Variants in EPHA6 observed in about 807,000 individuals in gnomAD.
The protein encoded by EPHA6 is EPH receptor A6, also known as ephrin type-A receptor 6.
A neutral mutation model predicts 112.0 loss-of-function variants in EPHA6; 50 were observed. The observed-to-expected ratio is 0.45, with a 90% CI of 0.36 to 0.56. The LOEUF (loss-of-function observed/expected upper bound fraction) is 0.56. Ranked by LOEUF, EPHA6 falls within the 20% of genes least tolerant of loss-of-function variation. The pLI is 0.00. For synonymous variants in EPHA6, 529 were observed against 490.7 expected (o/e 1.08, Z -1.03); for missense variants, 1,280 against 1,417.4 (o/e 0.90, Z 1.56).
intron 5 of EPHA6, among the ~76,000 whole-genome samples, chr3:97,350,409 G>T (rs371214526): frequency 7.8e-4 from 118 of 152,198 alleles, no homozygotes; most frequent in African/African-American, 2.5e-3. Context: ...GCATTTTGTT[G>T]TGTTGAATAT....
At chr3:97,506,629 T>G (rs2107575028) in intron 10 of EPHA6, among the ~76,000 whole-genome samples, 1 of 152,286 alleles carries the variant, frequency 6.6e-6, no homozygotes, top group East Asian at 1.9e-4. Context: ...GCCTCCAGCT[T>G]TGTTCTTTTT....
At chr3:97,127,441 TG>T (rs2048213179) in intron 3 of EPHA6, among the ~76,000 whole-genome samples, 1 of 152,078 alleles carries the variant, frequency 6.6e-6, no homozygotes, top group Non-Finnish European at 1.5e-5. Flanking sequence ...ACTTCCCGGC[TG>T]GGCACTGTGG....
At chr3:97,178,451 A>G (rs2076896563) in intron 3 of EPHA6, among the ~76,000 whole-genome samples, 1 of 151,990 alleles carries the variant, frequency 6.6e-6, no homozygotes, top group Non-Finnish European at 1.5e-5. Flanking sequence ...TGAGTTTTGT[A>G]CCTTCAGGTG....
At position 97,027,028 on chromosome 3, in the gene EPHA6, G is replaced by A. The variant is rs2044663278; in HGVS notation, c.1114+39035G>A. Among the ~76,000 whole-genome samples the A allele has an allele frequency of 2.0e-5, 3 of 152,182 alleles. No homozygotes were observed. The South Asian group carries it at 6.2e-4, about 32-fold the overall frequency. ...GCACTGTTCACAATAGCAAAGACAT[G>A]GAATCAATCTAAATGCCCATCAGTG... On this transcript the variant is annotated intron_variant, in intron 3 of 17. Transcript: ENST00000389672.
In EPHA6 at chr3:96,814,875, A is replaced by C. The variant is rs2032633178; in HGVS notation, c.252A>C (p.Leu84Phe). The C allele has an allele frequency of 6.4e-7, 1 of 1,556,868 alleles. No homozygotes were observed. Residue 84 changes from leucine to phenylalanine, a missense_variant, in exon 1 of 18, where the codon TTA (leucine) becomes TTC (phenylalanine). By Grantham distance (22) the Leu-to-Phe change is conservative. Transcript: ENST00000389672. ...GCCTGCGCTGCCGCCACTTCTCTTT[A>C]AGGGAGAGGAAAAGAGAGCCTAGGA... is the stretch of plus-strand genomic sequence containing the variant. ...NTCLRCRHFS[L>F]RERKREPRRT...
At chr3:97,736,849 T>C (rs961563096) in intron 16 of EPHA6, among the ~76,000 whole-genome samples, 3 of 152,056 alleles carry the variant, frequency 2.0e-5, no homozygotes, top group Admixed American at 6.6e-5. Context: ...GTTAAAAACA[T>C]ATTTCTTTAT....
intron 5 of EPHA6, among the ~76,000 whole-genome samples, chr3:97,250,010 G>T (rs2079089049): frequency 6.6e-6 from 1 of 152,148 alleles, no homozygotes; most frequent in African/African-American, 2.4e-5. Context: ...TAAATGGTTA[G>T]TTTTATGCAA....
chr3:96,957,717 G>A (rs2041812612), intron 2 of EPHA6, among the ~76,000 whole-genome samples: 1 of 152,140 alleles, frequency 6.6e-6, no homozygotes, highest in Admixed American at 6.5e-5. Context: ...TAGTTAGCTT[G>A]AATAAAGAGA....
At chr3:97,428,750 A>G (rs901364169) in intron 6 of EPHA6, among the ~76,000 whole-genome samples, 6 of 152,150 alleles carry the variant, frequency 3.9e-5, no homozygotes, top group Admixed American at 1.3e-4. Context: ...CTGAAGGTTC[A>G]CCTGAAAGCC....
intron 10 of EPHA6, among the ~76,000 whole-genome samples, chr3:97,519,847 T>G (rs528050309): frequency 6.6e-6 from 1 of 152,274 alleles, no homozygotes; most frequent in East Asian, 1.9e-4. Flanking sequence ...GTAATTTTAT[T>G]AATTTATTTA....
chr3:97,304,203 A>G lies in EPHA6; in HGVS notation c.1606+59916A>G, dbSNP rs199975029. The stretch of plus-strand genomic sequence containing the variant: ...TCATCTGCAAACAGAGACAGTTTTG[A>G]CTTCCTCTCTTCCTATTTGAATACC... On this transcript the variant is annotated intron_variant, in intron 5 of 17. Transcript: ENST00000389672. Among the ~76,000 whole-genome samples the G allele has an allele frequency of 4.6e-5, 7 of 152,000 alleles. No homozygotes were observed. In the East Asian group the frequency reaches 1.4e-3, roughly 29 times the overall value.
At chr3:97,120,597 G>T (rs959118280) in intron 3 of EPHA6, among the ~76,000 whole-genome samples, 1 of 151,868 alleles carries the variant, frequency 6.6e-6, no homozygotes, top group Non-Finnish European at 1.5e-5. Context: ...GGTTTTAAAA[G>T]AGTATTGCTT....
At chr3:97,324,193 C>T (rs185747964) in intron 5 of EPHA6, among the ~76,000 whole-genome samples, 54 of 152,142 alleles carry the variant, frequency 3.5e-4, no homozygotes, top group East Asian at 7.8e-4. Flanking sequence ...TTCAAAGATT[C>T]CTGCTTAACA....
intron 1 of EPHA6, among the ~76,000 whole-genome samples, chr3:96,825,801 T>C (rs1220185981): frequency 6.6e-6 from 1 of 151,926 alleles, no homozygotes; most frequent in Non-Finnish European, 1.5e-5. Context: ...ATCTAGTTTC[T>C]GTATTATAAT....
At position 97,749,077 on chromosome 3, in the gene EPHA6, A is replaced by T. The variant is rs1027856435; in HGVS notation, c.*376A>T. ...TAGAGTGTGATGGTAGATGAGAAAG[A>T]ACTAGTTGACCTTTCTTTCATGTTT... is the stretch of plus-strand genomic sequence containing the variant. On this transcript the variant is annotated 3_prime_UTR_variant, in exon 18 of 18. Transcript: ENST00000389672. 7 of 243,272 alleles carry T rather than the reference A, an allele frequency of 2.9e-5. No individual in the cohort carries two copies. The highest frequency in any genetic ancestry group is 1.3e-4 in the African/African-American group (6 of 45,754). The allele number at this position is 243,272 out of a possible 1,614,324, so 15.1% of individuals were successfully genotyped here.
intron 5 of EPHA6, among the ~76,000 whole-genome samples, chr3:97,301,335 A>G (rs2081082714): frequency 6.6e-6 from 1 of 152,156 alleles, no homozygotes. Context: ...ATGCTGACTA[A>G]GCAGATTTAA....
chr3:97,095,541 C>T (rs1333894475), intron 3 of EPHA6, among the ~76,000 whole-genome samples: 1 of 151,886 alleles, frequency 6.6e-6, no homozygotes, highest in Non-Finnish European at 1.5e-5. Flanking sequence ...TAATGCTTAC[C>T]ATTATTCAAA....
At chr3:97,701,268 TG>T (rs768691469) in intron 14 of EPHA6, among the ~76,000 whole-genome samples, 2 of 152,062 alleles carry the variant, frequency 1.3e-5, no homozygotes, top group East Asian at 3.9e-4. Flanking sequence ...ACCCACATGG[TG>T]ATTCAGTGTT....
rs549725539 is a variant in EPHA6, at chr3:97,627,863, A to T, written c.2575-10010A>T. Among the ~76,000 whole-genome samples, 6 of 152,062 alleles carry T rather than the reference A, an allele frequency of 3.9e-5. No homozygotes were observed. The East Asian group carries it at 7.8e-4, about 20-fold the overall frequency. ...CAAGTTCCAGGCTTTACCCCAGACC[A>T]ATGAAATCAAAATCTCTTGGGATGG... On this transcript the variant is annotated intron_variant, in intron 13 of 17. Transcript: ENST00000389672.
Sources: gnomAD v4.1 joint callset for allele counts (sites outside exome capture counted in the v4.1 genomes callset) on GRCh38, gnomAD v4.1.1 for gene constraint, MANE v1.5 for transcripts, NCBI Gene and HGNC (gene_info 2026-07-23, HGNC 2026-07-21) for gene names.